The following NAALADL2 variants were observed in gnomAD, a reference collection of about 807,000 sequenced individuals.
NAALADL2 encodes the protein N-acetylated alpha-linked acidic dipeptidase like 2.
A neutral mutation model predicts 87.2 loss-of-function variants in NAALADL2; 76 were observed. The observed-to-expected ratio is 0.87, with a 90% CI of 0.72 to 1.05. The LOEUF is 1.05. NAALADL2 is among the 50% of genes least tolerant of loss of function. The probability of loss-of-function intolerance (pLI) is 0.00; values close to 1 mark genes in which losing one functional copy is unlikely to be tolerated. For missense variants in NAALADL2, 1,089 were observed against 945.8 expected, an observed-to-expected ratio of 1.15 and a Z score of -1.99; for synonymous variants, 354 against 331.0, an observed-to-expected ratio of 1.07 and a Z score of -0.75.
intron 2 of NAALADL2, among the ~76,000 whole-genome samples, chr3:174,604,979 C>T (rs1162331270): frequency 9.9e-5 from 15 of 152,038 alleles, no homozygotes; most frequent in Admixed American, 6.6e-5. Context: ...TCTTGAACTC[C>T]TGACCTCAGG....
chr3:175,352,903 G>T (rs917878704), intron 5 of NAALADL2, among the ~76,000 whole-genome samples: 2 of 152,016 alleles, frequency 1.3e-5, no homozygotes, highest in African/African-American at 2.4e-5. Context: ...ACAGGTAACT[G>T]AGTGTTAAAC....
chr3:175,700,876 C>A (rs578072127), intron 11 of NAALADL2, among the ~76,000 whole-genome samples: 2 of 152,026 alleles, frequency 1.3e-5, no homozygotes, highest in Admixed American at 1.3e-4. Context: ...AGTAATATTT[C>A]ACTTGGCAAG....
intron 11 of NAALADL2, among the ~76,000 whole-genome samples, chr3:175,701,121 G>A (rs1398308938): frequency 6.6e-6 from 1 of 152,084 alleles, no homozygotes; most frequent in Non-Finnish European, 1.5e-5. Flanking sequence ...AGGCAGAAAC[G>A]TGCATTAGGT....
chr3:175,264,661 TA>T (rs1211709797), intron 4 of NAALADL2, among the ~76,000 whole-genome samples: 3 of 151,718 alleles, frequency 2.0e-5, no homozygotes, highest in African/African-American at 7.2e-5. Context: ...AAATTAATGT[TA>T]AAAATAAATA....
At chr3:175,469,813 A>G (rs1420543789) in intron 8 of NAALADL2, among the ~76,000 whole-genome samples, 1 of 151,992 alleles carries the variant, frequency 6.6e-6, no homozygotes, top group African/African-American at 2.4e-5. Flanking sequence ...GTCTCATGAG[A>G]ATTATATAGA....
intron 2 of NAALADL2, among the ~76,000 whole-genome samples, chr3:175,138,834 C>T (rs1729532666): frequency 7.1e-6 from 1 of 140,346 alleles, no homozygotes; most frequent in Non-Finnish European, 1.5e-5. Context: ...ATCTGTGGTA[C>T]ATGGGCAGAT....
intron 13 of NAALADL2, among the ~76,000 whole-genome samples, chr3:175,766,940 T>C (rs902052638): frequency 1.3e-5 from 2 of 152,108 alleles, no homozygotes; most frequent in African/African-American, 2.4e-5. Context: ...AAGTATAGCA[T>C]ATTGAGATGA....
At chr3:175,238,176 T>C (rs1290228099) in intron 3 of NAALADL2, among the ~76,000 whole-genome samples, 1 of 152,164 alleles carries the variant, frequency 6.6e-6, no homozygotes, top group Non-Finnish European at 1.5e-5. Flanking sequence ...AATCAACCTC[T>C]ACTGCAGATT....
chr3:175,544,471 A>C (rs1427716591), intron 9 of NAALADL2, among the ~76,000 whole-genome samples: 1 of 152,184 alleles, frequency 6.6e-6, no homozygotes, highest in Non-Finnish European at 1.5e-5. Flanking sequence ...TTATTCTCAA[A>C]AGTAACTTCC....
intron 10 of NAALADL2, among the ~76,000 whole-genome samples, chr3:175,584,937 T>TA (rs572354670): frequency 9.1e-4 from 138 of 152,282 alleles, no homozygotes; most frequent in South Asian, 7.9e-3. Flanking sequence ...ACTATACACA[T>TA]AGGCTACACT....
At chr3:175,724,052 C>A (rs1429552703) in intron 11 of NAALADL2, among the ~76,000 whole-genome samples, 1 of 152,104 alleles carries the variant, frequency 6.6e-6, no homozygotes, top group African/African-American at 2.4e-5. Context: ...CCCTTTAGTA[C>A]AGTAACTATG....
intron 5 of NAALADL2, among the ~76,000 whole-genome samples, chr3:175,373,159 A>G (rs554540133): frequency 6.6e-6 from 1 of 152,270 alleles, no homozygotes; most frequent in Admixed American, 6.5e-5. Flanking sequence ...TTTTTTGTGA[A>G]ACATATTGAG....
chr3:175,294,814 C>A (rs1045527957), intron 4 of NAALADL2, among the ~76,000 whole-genome samples: 1 of 152,134 alleles, frequency 6.6e-6, no homozygotes, highest in Admixed American at 6.5e-5. Flanking sequence ...TTATTTTCAT[C>A]TGACAGAAAA....
rs1428779624 is a variant in NAALADL2 at position 174,551,672 on chromosome 3, A to G, written c.-115+1035A>G. Among the ~76,000 whole-genome samples, 3 of 152,244 alleles carry G rather than the reference A, an allele frequency of 2.0e-5. No individual in the cohort carries two copies. In the East Asian group the frequency reaches 5.8e-4, roughly 29 times the overall value. On this transcript the variant is annotated intron_variant, in intron 2 of 3. Coordinates refer to the NAALADL2 transcript ENST00000434257. ...AAGCAATGTTTTAAGCAGTTTACTAATAACTAATATCCTAATAAGGTAGTT... is the reference window on the plus strand; with the variant it reads ...AAGCAATGTTTTAAGCAGTTTACTAGTAACTAATATCCTAATAAGGTAGTT...
intron 2 of NAALADL2, among the ~76,000 whole-genome samples, chr3:174,684,152 C>CTAATA (rs1236296155): frequency 1.3e-5 from 2 of 151,818 alleles, no homozygotes; most frequent in African/African-American, 4.8e-5. Flanking sequence ...ATTTTTCTCT[C>CTAATA]TAATATTAAA....
intron 11 of NAALADL2, among the ~76,000 whole-genome samples, chr3:175,710,696 G>GTA (rs1202888759): frequency 6.6e-6 from 1 of 150,748 alleles, no homozygotes; most frequent in Non-Finnish European, 1.5e-5. Flanking sequence ...GCTTATATAT[G>GTA]TATATATATC....
At chr3:174,779,194 C>T (rs7620237) in intron 3 of NAALADL2, among the ~76,000 whole-genome samples, 45,765 of 152,008 alleles carry the variant, frequency 0.3, 6,927 homozygotes, top group Middle Eastern at 0.37. Context: ...GATGGTATCT[C>T]ATTGTGGTTT....
chr3:175,087,880 C>G (rs1450834553), intron 1 of NAALADL2, among the ~76,000 whole-genome samples: 1 of 149,400 alleles, frequency 6.7e-6, no homozygotes, highest in Admixed American at 6.7e-5. Context: ...TCCCCCTCTG[C>G]GAGAAACACC....
intron 6 of NAALADL2, among the ~76,000 whole-genome samples, chr3:175,457,474 T>A (rs191275031): frequency 4.3e-4 from 66 of 152,224 alleles, no homozygotes; most frequent in South Asian, 1.5e-3. Context: ...TGTTCACTGA[T>A]ACGTGTTGCC....
Sources: gnomAD v4.1 joint callset for allele counts (sites outside exome capture counted in the v4.1 genomes callset) on GRCh38, gnomAD v4.1.1 for gene constraint, MANE v1.5 for transcripts, NCBI Gene and HGNC (gene_info 2026-07-23, HGNC 2026-07-21) for gene names.